Variants in FOXN4 observed in about 807,000 individuals in gnomAD.
The protein encoded by FOXN4 is forkhead box protein N4.
FOXN4 carries 12 observed loss-of-function variants against 45.0 expected under a neutral mutation model. The ratio of observed to expected loss-of-function variants is 0.27; its 90% CI spans 0.17 to 0.43. The LOEUF is 0.43. FOXN4 is among the 20% of genes least tolerant of loss of function. The pLI is 1.00. For missense variants in FOXN4, 560 were observed against 694.9 expected (o/e 0.81, Z 2.18); for synonymous variants, 297 against 295.0 (o/e 1.01, Z -0.07).
Position 109,281,693 on chromosome 12 carries a change from C to G in FOXN4, c.1008G>C (p.Val336=). ...PVLTHATTVA[V]AHGCLAVSQL... ...GGGAGACAGCCAGGCAGCCATGCGC[C>G]ACGGCCACTGTGGTGGCGTGAGTCA... is the stretch of plus-strand genomic sequence containing the variant. Residue 336 remains valine (V), a synonymous_variant, in exon 9 of 10, where the codon GTG becomes GTC. Coordinates refer to ENST00000299162, the MANE Select transcript of FOXN4 (RefSeq NM_213596.3). 1 of 1,610,862 alleles carries G rather than the reference C, an allele frequency of 6.2e-7. No individual in the cohort carries two copies. The highest frequency in any genetic ancestry group is 8.5e-7 in the Non-Finnish European group (1 of 1,178,984).
Position 109,287,943 on chromosome 12 carries a change from G to A in FOXN4, c.369C>T (p.Phe123=). 1 of 1,549,960 alleles carries A rather than the reference G, an allele frequency of 6.5e-7. No individual in the cohort carries two copies. The highest frequency in any genetic ancestry group is 2.4e-5 in the East Asian group (1 of 40,908). The change falls in exon 5 of 10, where the codon TTC becomes TTT. Residue 123 remains phenylalanine (F), a synonymous_variant. Coordinates refer to ENST00000299162, the MANE Select transcript of FOXN4 (RefSeq NM_213596.3). The surrounding 1 kb of genome is among the most constrained non-coding windows in gnomAD (Gnocchi z 4.1). Reference sequence around the variant, plus strand: ...CAGATGAGGGCTGGCCCCCCACGGGGAACTGGCTCATCTGCTGGGCAGGAA... The same window carrying A: ...CAGATGAGGGCTGGCCCCCCACGGGAAACTGGCTCATCTGCTGGGCAGGAA... ...ITGHRDSMSQ[F]PVGGQPSSGL... is the part of the protein sequence containing the mutation.
chr12:109,288,100 G>A lies in FOXN4; in HGVS notation c.313C>T (p.Arg105Ter). The change falls in exon 4 of 10, where the codon CGA becomes TGA. Residue 105 changes from arginine to a stop codon, truncating the protein, a stop_gained. Transcript: ENST00000299162. LOFTEE classifies it high-confidence loss of function. The surrounding 1 kb of genome is among the most constrained non-coding windows in gnomAD (Gnocchi z 4.3). ...ATGGGGCCCAGACCTGGCATGCCTC[G>A]GGGGGCCATGCCTGCTGGGCCATGG... ...LLHGPAGMAPRGMPGLGPITG... is the reference protein window; with the variant it reads ...LLHGPAGMAP 1 of 1,547,242 alleles carries A rather than the reference G, an allele frequency of 6.5e-7. No individual in the cohort carries two copies. The highest frequency in any genetic ancestry group is 8.7e-7 in the Non-Finnish European group (1 of 1,145,686).
At chr12:109,301,757 T>C (rs759770213) in intron 2 of FOXN4, among the ~76,000 whole-genome samples, 1 of 152,236 alleles carries the variant, frequency 6.6e-6, no homozygotes, top group Non-Finnish European at 1.5e-5. Context: ...CTTTCTGCCA[T>C]AGGATGGCAA....
At position 109,303,418 on chromosome 12, in the gene FOXN4, G is replaced by A. The variant is rs146228198; in HGVS notation, c.86+4818C>T. On this transcript the variant is annotated intron_variant, in intron 2 of 9. Coordinates refer to ENST00000299162, the MANE Select transcript of FOXN4 (RefSeq NM_213596.3). ...TCCCTTGAGCATGAAGCCTCCCTGT[G>A]TTTCCATGGATGTGTTATTTTCACG... Among the ~76,000 whole-genome samples, 52 of 152,344 alleles carry A rather than the reference G, an allele frequency of 3.4e-4. No individual in the cohort carries two copies. In the East Asian group the frequency reaches 9.1e-3, roughly 27 times the overall value.
chr12:109,305,739 A>C (rs1727788770), intron 2 of FOXN4, among the ~76,000 whole-genome samples: 1 of 152,094 alleles, frequency 6.6e-6, no homozygotes, highest in Non-Finnish European at 1.5e-5. Context: ...CAAAAAAAAC[A>C]AGTAAAAAAA....
At position 109,287,540 on chromosome 12, in the gene FOXN4, G is replaced by A. The variant is rs142837767; in HGVS notation, c.469-16C>T. Reference sequence around the variant, plus strand: ...CAGGAGGGCACTTCCCACAGGCAGGGGCAGGGAGAAAGTGGCAGAGAAAGA... The same window carrying A: ...CAGGAGGGCACTTCCCACAGGCAGGAGCAGGGAGAAAGTGGCAGAGAAAGA... On this transcript the variant is annotated splice_polypyrimidine_tract_variant and intron_variant, in intron 5 of 9. Transcript: ENST00000299162. This position sits in a 1 kb window ranked among gnomAD's most constrained non-coding sequence, Gnocchi z 4.1. 548 of 1,510,076 alleles carry A rather than the reference G, an allele frequency of 3.6e-4. 1 individual carries two copies. The African/African-American group carries it at 6.6e-3, about 18-fold the overall frequency. 93.5% of individuals were successfully genotyped at this position (1,510,076 alleles called of 1,614,324 possible). A position where few individuals can be genotyped will look rare whatever the true frequency, so the allele number is the denominator to read the frequency against.
rs1046102627 is a variant in FOXN4, at chr12:109,287,600, A to G, written c.469-76T>C. 36 of 1,449,034 alleles carry G rather than the reference A, an allele frequency of 2.5e-5. No homozygotes were observed. The highest frequency in any genetic ancestry group is 3.0e-5 in the Non-Finnish European group (33 of 1,093,294). 89.8% of individuals were successfully genotyped at this position (1,449,034 alleles called of 1,614,324 possible). Reference sequence around the variant, plus strand: ...AGAAATAACATACGTCACTCACAGTAACACTGTCCCCACCCCAGTTTCAAA... The same window carrying G: ...AGAAATAACATACGTCACTCACAGTGACACTGTCCCCACCCCAGTTTCAAA... On this transcript the variant is annotated intron_variant, in intron 5 of 9. Coordinates refer to ENST00000299162, the MANE Select transcript of FOXN4 (RefSeq NM_213596.3). This position sits in a 1 kb window ranked among gnomAD's most constrained non-coding sequence, Gnocchi z 4.1.
intron 2 of FOXN4, among the ~76,000 whole-genome samples, chr12:109,304,298 GAA>G (rs2047901674): frequency 1.5e-5 from 2 of 132,954 alleles, no homozygotes; most frequent in South Asian, 4.8e-4. Context: ...AAAGAAAGGA[GAA>G]AGAAAGAAGG....
intron 2 of FOXN4, among the ~76,000 whole-genome samples, chr12:109,294,717 G>T (rs2047800619): frequency 6.6e-6 from 1 of 152,100 alleles, no homozygotes; most frequent in South Asian, 2.1e-4. Context: ...ACATGGCAAG[G>T]TCCAGGGGCT....
chr12:109,300,057 A>C (rs1414920646), intron 2 of FOXN4, among the ~76,000 whole-genome samples: 2 of 152,126 alleles, frequency 1.3e-5, no homozygotes, highest in East Asian at 3.9e-4. Flanking sequence ...ATGCTCATCC[A>C]TCTCACGAGG....
At chr12:109,303,675 G>A (rs937170339) in intron 2 of FOXN4, among the ~76,000 whole-genome samples, 5 of 152,106 alleles carry the variant, frequency 3.3e-5, no homozygotes, top group Admixed American at 6.5e-5. Flanking sequence ...AGAAGGTGAG[G>A]GTCCAAGAAG....
chr12:109,287,179 G>A lies in FOXN4; in HGVS notation c.596+218C>T, dbSNP rs1185502028. Among the ~76,000 whole-genome samples the A allele has an allele frequency of 2.0e-5, 3 of 152,214 alleles. No individual in the cohort carries two copies. The highest frequency in any genetic ancestry group is 4.4e-5 in the Non-Finnish European group (3 of 68,034). On this transcript the variant is annotated intron_variant, in intron 6 of 9. Coordinates refer to ENST00000299162, the MANE Select transcript of FOXN4 (RefSeq NM_213596.3). This position sits in a 1 kb window ranked among gnomAD's most constrained non-coding sequence, Gnocchi z 4.1. ...ACGTGGCTTATGAATGAAGTGAACT[G>A]TGGCACTGGACTCAGGTCTGCAGTG... is the stretch of plus-strand genomic sequence containing the variant.
chr12:109,292,835 A>G (rs990163270), intron 2 of FOXN4, among the ~76,000 whole-genome samples: 2 of 152,252 alleles, frequency 1.3e-5, no homozygotes, highest in East Asian at 1.9e-4. Context: ...GGTCACTTCA[A>G]TGCTGTCAGC....
Position 109,287,731 on chromosome 12 carries a change from G to A in FOXN4, c.468+113C>T, listed in dbSNP as rs1013837639. 3 of 1,152,096 alleles carry A rather than the reference G, an allele frequency of 2.6e-6. No homozygotes were observed. The highest frequency in any genetic ancestry group is 1.6e-5 in the African/African-American group (1 of 64,024). 71.4% of individuals were successfully genotyped at this position (1,152,096 alleles called of 1,614,324 possible). A position where few individuals can be genotyped will look rare whatever the true frequency, so the allele number is the denominator to read the frequency against. Reference sequence around the variant, plus strand: ...AATGACCCCATGACATGAGCATGGAGGGAATGTTATCCCCATGTGCTGGGT... The same window carrying A: ...AATGACCCCATGACATGAGCATGGAAGGAATGTTATCCCCATGTGCTGGGT... On this transcript the variant is annotated intron_variant, in intron 5 of 9. Transcript: ENST00000299162. This position sits in a 1 kb window ranked among gnomAD's most constrained non-coding sequence, Gnocchi z 4.1.
intron 2 of FOXN4, among the ~76,000 whole-genome samples, chr12:109,300,812 G>A (rs2047861939): frequency 1.3e-5 from 2 of 152,236 alleles, no homozygotes; most frequent in Non-Finnish European, 2.9e-5. Flanking sequence ...AGGAGGCTGA[G>A]GCAGGAGGAT....
Position 109,278,779 on chromosome 12 carries a change from T to C in FOXN4, c.*892A>G, listed in dbSNP as rs1166046952. Reference sequence around the variant, plus strand: ...TGAATCATGAACAGGTAGAAAAATATCTGGTCTCTAATACGGAAAAAATGG... The same window carrying C: ...TGAATCATGAACAGGTAGAAAAATACCTGGTCTCTAATACGGAAAAAATGG... On this transcript the variant is annotated 3_prime_UTR_variant, in exon 10 of 10. Coordinates refer to ENST00000299162, the MANE Select transcript of FOXN4 (RefSeq NM_213596.3). 6.6e-6 allele frequency: 1 copy of C among 151,696 alleles called. No homozygotes were observed. Among genetic ancestry groups the C allele is most frequent in the Non-Finnish European group, 1.5e-5 (1 of 67,998 alleles). The allele number at this position is 151,696 out of a possible 1,614,324, so 9.4% of individuals were successfully genotyped here. A position where few individuals can be genotyped will look rare whatever the true frequency, so the allele number is the denominator to read the frequency against.
intron 2 of FOXN4, among the ~76,000 whole-genome samples, chr12:109,303,270 C>T (rs541493040): frequency 7.5e-4 from 114 of 152,226 alleles, no homozygotes; most frequent in Non-Finnish European, 1.5e-3. Flanking sequence ...GGGAAGACAT[C>T]GGGATGGTTA....
Position 109,288,048 on chromosome 12 carries a change from C to G in FOXN4, c.357+8G>C. On this transcript the variant is annotated splice_region_variant and intron_variant, in intron 4 of 9. Coordinates refer to ENST00000299162, the MANE Select transcript of FOXN4 (RefSeq NM_213596.3). This position sits in a 1 kb window ranked among gnomAD's most constrained non-coding sequence, Gnocchi z 4.3. Reference sequence around the variant, plus strand: ...CCCGCCCTCCGCAGTCCATGCAGTGCCACTTACGCTGTCTCTGTGGCCAGT... The same window carrying G: ...CCCGCCCTCCGCAGTCCATGCAGTGGCACTTACGCTGTCTCTGTGGCCAGT... 1.9e-6 allele frequency: 3 copies of G among 1,550,166 alleles called. No homozygotes were observed. The highest frequency in any genetic ancestry group is 2.6e-6 in the Non-Finnish European group (3 of 1,146,666).
chr12:109,279,694 TC>T lies in FOXN4; in HGVS notation c.1530del (p.Asn511ThrfsTer4). 6.4e-7 allele frequency: 1 copy of T among 1,574,202 alleles called. No homozygotes were observed. Reference sequence around the variant, plus strand: ...GCTCAAAGCAGGGCTATAGGCTTGTTCCCCTGTGCACCCAGGTACTGGGAGG... The same window carrying T: ...GCTCAAAGCAGGGCTATAGGCTTGTTCCCTGTGCACCCAGGTACTGGGAGG... ...SSSSQYLGAQ[G>X]NKPIALL On this transcript the variant is annotated frameshift_variant, in exon 10 of 10. Transcript: ENST00000299162. LOFTEE classifies it high-confidence loss of function.
Sources: gnomAD v4.1 joint callset for allele counts (sites outside exome capture counted in the v4.1 genomes callset) on GRCh38, gnomAD v4.1.1 for gene constraint, Gnocchi (gnomAD v3.1) non-coding constraint, MANE v1.5 for transcripts, NCBI Gene and HGNC (gene_info 2026-07-23, HGNC 2026-07-21) for gene names.